Variants in LINGO3 observed in about 807,000 individuals in gnomAD.
LINGO3 encodes leucine-rich repeat and immunoglobulin-like domain-containing nogo receptor-interacting protein 3.
For synonymous variants in LINGO3, 427 were observed against 444.2 expected (o/e 0.96, Z 0.49); for missense variants, 750 against 867.7 (o/e 0.86, Z 1.70).
chr19:2,287,607 C>A (rs1169218643), downstream of LINGO3, among the ~76,000 whole-genome samples: 1 of 152,202 alleles, frequency 6.6e-6, no homozygotes, highest in Non-Finnish European at 1.5e-5. The surrounding 1 kb of genome is among the most constrained non-coding windows in gnomAD (Gnocchi z 4.5). Context: ...AACTTTTGCT[C>A]AAAGCCTTCA....
exon 1 of LINGO3, chr19:2,291,586 T>C (rs1274371918): frequency 6.4e-7 from 1 of 1,552,820 alleles, no homozygotes; most frequent in Non-Finnish European, 8.6e-7. Flanking sequence ...GCGGATGCGG[T>C]TGCGGCTGAG....
the LINGO3 span, among the ~76,000 whole-genome samples, chr19:2,297,365 C>T: frequency 4.4e-4 from 57 of 130,076 alleles, no homozygotes; most frequent in African/African-American, 1.3e-3. Flanking sequence ...AGTGCAGTGG[C>T]ATGATCTCTG....
rs763953392 is a variant in LINGO3 at position 2,290,086 on chromosome 19, G to C, written c.1691C>G (p.Ser564Trp). 3 of 1,589,270 alleles carry C rather than the reference G, an allele frequency of 1.9e-6. No individual in the cohort carries two copies. Among genetic ancestry groups the C allele is most frequent in the African/African-American group, 1.3e-5 (1 of 74,378 alleles). ...CACCTTGCGGAAGGAGTACTCCACCGAGAAGTTGTTTTTGTGCTGCCCGCG... is the reference window on the plus strand; with the variant it reads ...CACCTTGCGGAAGGAGTACTCCACCCAGAAGTTGTTTTTGTGCTGCCCGCG... Residue 564 changes from serine (S) to tryptophan (W), a missense_variant, in exon 1 of 1, where the codon TCG becomes TGG. By Grantham distance (177) the Ser-to-Trp change is radical. Coordinates refer to ENST00000585527, the Ensembl canonical transcript of LINGO3. The surrounding 1 kb of genome is among the most constrained non-coding windows in gnomAD (Gnocchi z 6.0).
chr19:2,292,352 C>T (rs559456896), upstream of LINGO3, among the ~76,000 whole-genome samples: 7 of 122,872 alleles, frequency 5.7e-5, no homozygotes, highest in Admixed American at 3.0e-4. Context: ...GAGCTGTGAT[C>T]GTGCCACTGC....
At chr19:2,301,543 G>C in the LINGO3 span, among the ~76,000 whole-genome samples, 1 of 152,116 alleles carries the variant, frequency 6.6e-6, no homozygotes, top group Non-Finnish European at 1.5e-5. Context: ...GAGGAGCCAG[G>C]GTGATTCAGC....
the LINGO3 span, among the ~76,000 whole-genome samples, chr19:2,305,213 A>T: frequency 6.6e-6 from 1 of 151,886 alleles, no homozygotes; most frequent in East Asian, 1.9e-4. Context: ...GGGGACATTG[A>T]CCTCTCCTTG....
chr19:2,291,271 G>A (rs1173198438), exon 1 of LINGO3: 1 of 1,612,400 alleles, frequency 6.2e-7, no homozygotes, highest in South Asian at 1.1e-5. Context: ...CCCCGCGAAG[G>A]CGCGGCGCGA....
At chr19:2,303,598 A>G in the LINGO3 span, among the ~76,000 whole-genome samples, 1 of 152,316 alleles carries the variant, frequency 6.6e-6, no homozygotes, top group South Asian at 2.1e-4. Context: ...ATGGGGAGCC[A>G]TGGGAGGATA....
chr19:2,302,573 G>GT, the LINGO3 span, among the ~76,000 whole-genome samples: 1 of 151,986 alleles, frequency 6.6e-6, no homozygotes, highest in African/African-American at 2.4e-5. Context: ...CCAGCAAGGG[G>GT]CACGTCCCAC....
At chr19:2,302,027 G>A in the LINGO3 span, among the ~76,000 whole-genome samples, 1 of 143,408 alleles carries the variant, frequency 7.0e-6, no homozygotes, top group African/African-American at 2.6e-5. Context: ...GAAAGTCCCT[G>A]TTCTTTTATT....
At chr19:2,298,830 C>T in the LINGO3 span, among the ~76,000 whole-genome samples, 4 of 152,076 alleles carry the variant, frequency 2.6e-5, no homozygotes, top group Non-Finnish European at 5.9e-5. Flanking sequence ...TGAGCCACCG[C>T]ACCCGGCCCA....
In LINGO3 at chr19:2,291,628, T is replaced by A; in HGVS notation, c.149A>T (p.Asp50Val). 6.8e-7 allele frequency: 1 copy of A among 1,460,786 alleles called. No homozygotes were observed. Among genetic ancestry groups the A allele is most frequent in the Non-Finnish European group, 8.9e-7 (1 of 1,117,588 alleles). The allele number at this position is 1,460,786 out of a possible 1,614,324, so 90.5% of individuals were successfully genotyped here. ...CAGGCGGGTCTCGGCCGGGATGCCG[T>A]CGGGCACGGCGGTCAGGCGGCGGCG... Residue 50 changes from aspartate to valine, a missense_variant, in exon 1 of 1, where the codon GAC becomes GTC. Asp to Val is a radical substitution (Grantham distance 152). Coordinates refer to ENST00000585527, the Ensembl canonical transcript of LINGO3.
At chr19:2,291,525 G>GTCCAGC (rs1568412115) in exon 1 of LINGO3, 1 of 1,607,710 alleles carries the variant, frequency 6.2e-7, no homozygotes, top group African/African-American at 1.3e-5. Context: ...TCTCGCTCAG[G>GTCCAGC]TCCAGCTCCT....
At chr19:2,291,287 A>C (rs1306627760) in exon 1 of LINGO3, 1 of 1,612,592 alleles carries the variant, frequency 6.2e-7, no homozygotes, top group Non-Finnish European at 8.5e-7. Context: ...CGCGAGACGA[A>C]TACCAGGTCG....
chr19:2,294,963 G>A (rs912832170), upstream of LINGO3, among the ~76,000 whole-genome samples: 11 of 151,898 alleles, frequency 7.2e-5, no homozygotes, highest in African/African-American at 2.4e-4. This position sits in a 1 kb window ranked among gnomAD's most constrained non-coding sequence, Gnocchi z 4.3. Flanking sequence ...CCCAGGCCCC[G>A]TGGCCCAAAC....
upstream of LINGO3, chr19:2,292,095 G>T (rs963785524): frequency 5.6e-6 from 2 of 356,814 alleles, no homozygotes; most frequent in East Asian, 1.0e-4. Context: ...GGCTGAGGCA[G>T]GAGGATGGCT....
chr19:2,294,087 G>A (rs763831349), upstream of LINGO3, among the ~76,000 whole-genome samples: 3 of 152,126 alleles, frequency 2.0e-5, no homozygotes, highest in Admixed American at 6.5e-5. This position sits in a 1 kb window ranked among gnomAD's most constrained non-coding sequence, Gnocchi z 4.3. Flanking sequence ...CCTGCCCTCC[G>A]TGCCTGCTGT....
At chr19:2,294,898 G>A (rs998614242), upstream of LINGO3, among the ~76,000 whole-genome samples, 2 of 152,040 alleles carry the variant, frequency 1.3e-5, no homozygotes, top group Non-Finnish European at 2.9e-5. This position sits in a 1 kb window ranked among gnomAD's most constrained non-coding sequence, Gnocchi z 4.3. Flanking sequence ...CGCCTCCCCC[G>A]CCAGCCGGCC....
At position 2,290,799 on chromosome 19, in the gene LINGO3, G is replaced by A. The variant is rs764675286; in HGVS notation, c.978C>T (p.Ser326=). ...CCTCCAACGTGGAGAGCAGGTTGTT[G>A]GAGAGGTTGAGCAGGCGGATCTGGC... Residue 326 remains serine, a synonymous_variant, in exon 1 of 1, where the codon TCC becomes TCT. Coordinates refer to ENST00000585527, the Ensembl canonical transcript of LINGO3. This position sits in a 1 kb window ranked among gnomAD's most constrained non-coding sequence, Gnocchi z 6.0. The A allele has an allele frequency of 6.2e-7, 1 of 1,612,686 alleles. No individual in the cohort carries two copies. Among genetic ancestry groups the A allele is most frequent in the East Asian group, 2.2e-5 (1 of 44,850 alleles).
Sources: allele counts gnomAD v4.1 joint callset (sites outside exome capture counted in the v4.1 genomes callset), GRCh38; gene constraint gnomAD v4.1.1; non-coding constraint Gnocchi (gnomAD v3.1); transcripts MANE v1.5; gene names NCBI Gene and HGNC (gene_info 2026-07-23, HGNC 2026-07-21).